The following NEDD9 variants were observed in gnomAD, a reference collection of about 807,000 sequenced individuals.
NEDD9 encodes enhancer of filamentation 1.
Under a neutral mutation model 76.6 loss-of-function variants are expected in NEDD9, and 26 were observed. The observed-to-expected ratio is 0.34, with a 90% CI of 0.25 to 0.47. The LOEUF (loss-of-function observed/expected upper bound fraction) is 0.47, where lower values mean the gene tolerates loss of function less well. Ranked by LOEUF, NEDD9 falls within the 20% of genes least tolerant of loss-of-function variation. NEDD9 has a pLI of 1.00. For missense variants in NEDD9, 937 were observed against 1,058.5 expected (o/e 0.89, Z 1.59); for synonymous variants, 392 against 414.2 (o/e 0.95, Z 0.65).
chr6:11,286,627 C>T lies in NEDD9; in HGVS notation c.12+19365G>A, dbSNP rs1243378787. ...TGGTCCATCCGTATGAAGAATAACA[C>T]TCAGCCATAATGAAAATAAATGAAC... On this transcript the variant is annotated intron_variant, in intron 3 of 3. Coordinates refer to the NEDD9 transcript ENST00000397378. Among the ~76,000 whole-genome samples the T allele has an allele frequency of 4.6e-5, 7 of 152,180 alleles. No homozygotes were observed. The South Asian group carries it at 1.4e-3, about 31-fold the overall frequency.
intron 3 of NEDD9, among the ~76,000 whole-genome samples, chr6:11,295,884 A>G (rs1364398293): frequency 2.0e-5 from 3 of 152,160 alleles, no homozygotes; most frequent in Non-Finnish European, 4.4e-5. Context: ...TAGACACATT[A>G]CACCCACGTT....
chr6:11,246,705 G>A (rs1258050631), intron 3 of NEDD9, among the ~76,000 whole-genome samples: 3 of 152,130 alleles, frequency 2.0e-5, no homozygotes, highest in Non-Finnish European at 2.9e-5. Context: ...ATGGCAGCCC[G>A]GGAAACTCTC....
chr6:11,218,618 G>A (rs1759046878), intron 1 of NEDD9, among the ~76,000 whole-genome samples: 1 of 152,168 alleles, frequency 6.6e-6, no homozygotes, highest in African/African-American at 2.4e-5. Context: ...TATAGACTCA[G>A]TAAATGTTTG....
chr6:11,190,357 A>G lies in NEDD9; in HGVS notation c.1512T>C (p.His504=). The G allele has an allele frequency of 6.2e-7, 1 of 1,614,156 alleles. No homozygotes were observed. Among genetic ancestry groups the G allele is most frequent in the Middle Eastern group, 1.6e-4 (1 of 6,062 alleles). Residue 504 remains histidine (H), a synonymous_variant, in exon 5 of 7, where the codon CAT becomes CAC. Coordinates refer to ENST00000379446, the MANE Select transcript of NEDD9 (RefSeq NM_006403.4). The surrounding 1 kb of genome is among the most constrained non-coding windows in gnomAD (Gnocchi z 5.8). ...GGGACCAGCTGCACTCATTTAAGTC[A>G]TGGCTGGTTTGACTCAGGATCTGGT... ...DSHQILSQTS[H]DLNECSWSLN...
chr6:11,206,131 C>A (rs1477819163), intron 2 of NEDD9, among the ~76,000 whole-genome samples: 1 of 152,128 alleles, frequency 6.6e-6, no homozygotes, highest in Non-Finnish European at 1.5e-5. Flanking sequence ...AAGATTTGTA[C>A]AACCAGGCCG....
At chr6:11,381,344 G>T (rs890532303) in intron 1 of NEDD9, among the ~76,000 whole-genome samples, 1 of 152,166 alleles carries the variant, frequency 6.6e-6, no homozygotes, top group Admixed American at 6.5e-5. Context: ...GGAAAAGATT[G>T]GTGGCCGATC....
chr6:11,324,786 G>A (rs1488366489), intron 2 of NEDD9, among the ~76,000 whole-genome samples: 15 of 152,150 alleles, frequency 9.9e-5, no homozygotes. Flanking sequence ...TAGCTGGGGA[G>A]GGGGAGGGAC....
intron 3 of NEDD9, among the ~76,000 whole-genome samples, chr6:11,293,196 G>GTT (rs35317754): frequency 3.4e-4 from 51 of 148,512 alleles, no homozygotes; most frequent in African/African-American, 8.9e-4. Context: ...CTAAGTCTAT[G>GTT]TTTTTTTTTT....
intron 1 of NEDD9, among the ~76,000 whole-genome samples, chr6:11,343,152 C>T (rs1428787802): frequency 6.6e-6 from 1 of 152,092 alleles, no homozygotes; most frequent in Admixed American, 6.6e-5. Context: ...AACTTCGGCC[C>T]AGTGCCGTGG....
At chr6:11,250,517 A>G (rs768637646) in intron 3 of NEDD9, among the ~76,000 whole-genome samples, 1 of 152,278 alleles carries the variant, frequency 6.6e-6, no homozygotes, top group East Asian at 1.9e-4. Context: ...TCCTGAATCT[A>G]CCGAAGCAGT....
At chr6:11,216,379 G>C (rs1758955842) in intron 1 of NEDD9, among the ~76,000 whole-genome samples, 1 of 152,170 alleles carries the variant, frequency 6.6e-6, no homozygotes, top group Non-Finnish European at 1.5e-5. Context: ...ACGGCTCCAG[G>C]GACCTTTAGA....
intron 2 of NEDD9, among the ~76,000 whole-genome samples, chr6:11,202,593 C>T (rs1357269297): frequency 6.6e-6 from 1 of 152,188 alleles, no homozygotes; most frequent in African/African-American, 2.4e-5. Context: ...CCACATGTTG[C>T]CTACCCTGGA....
At chr6:11,364,421 A>G (rs1350516563) in intron 1 of NEDD9, among the ~76,000 whole-genome samples, 1 of 152,188 alleles carries the variant, frequency 6.6e-6, no homozygotes, top group Non-Finnish European at 1.5e-5. Context: ...CTAATGAGTC[A>G]TTGAACCTGG....
At chr6:11,236,242 C>T (rs1254102110), upstream of NEDD9, among the ~76,000 whole-genome samples, 2 of 152,162 alleles carry the variant, frequency 1.3e-5, no homozygotes, top group Non-Finnish European at 2.9e-5. This position sits in a 1 kb window ranked among gnomAD's most constrained non-coding sequence, Gnocchi z 5.5. Context: ...CCTCCGGTTC[C>T]ACTTCCTGCA....
At chr6:11,262,689 T>C (rs574015670) in intron 3 of NEDD9, among the ~76,000 whole-genome samples, 4 of 152,168 alleles carry the variant, frequency 2.6e-5, no homozygotes, top group Non-Finnish European at 5.9e-5. Context: ...AAAGCCAAAA[T>C]AGAAAAGTCT....
chr6:11,209,146 G>C (rs1001061909), intron 2 of NEDD9, among the ~76,000 whole-genome samples: 2 of 152,190 alleles, frequency 1.3e-5, no homozygotes, highest in African/African-American at 4.8e-5. Flanking sequence ...TAATGGGGCA[G>C]ACATGATATG....
rs553573022 is a variant in NEDD9, at chr6:11,194,302, G to A, written c.460-610C>T. Among the ~76,000 whole-genome samples the A allele has an allele frequency of 3.2e-4, 49 of 152,248 alleles. 2 individuals are homozygous for A. In the Middle Eastern group the frequency reaches 0.014, roughly 42 times the overall value. On this transcript the variant is annotated intron_variant, in intron 2 of 6. Transcript: ENST00000379446. ...GCATATTTCTGAAATATACTTTAAG[G>A]GATACTTGTGTGTAACTTATGAAAG...
At chr6:11,247,047 GCCTAGAAGT>G (rs1268038346) in intron 3 of NEDD9, among the ~76,000 whole-genome samples, 1 of 152,098 alleles carries the variant, frequency 6.6e-6, no homozygotes. Flanking sequence ...CAACTCCCTT[GCCTAGAAGT>G]CCAATCTTCC....
chr6:11,234,712 AT>A (rs140513398), upstream of NEDD9, among the ~76,000 whole-genome samples: 21,216 of 136,844 alleles, frequency 0.16, 2,030 homozygotes, highest in African/African-American at 0.31. Flanking sequence ...AACATTTTTA[AT>A]TTTTTTTTTT....
Sources: allele counts gnomAD v4.1 joint callset (sites outside exome capture counted in the v4.1 genomes callset), GRCh38; gene constraint gnomAD v4.1.1; non-coding constraint Gnocchi (gnomAD v3.1); transcripts MANE v1.5; gene names NCBI Gene and HGNC (gene_info 2026-07-23, HGNC 2026-07-21).